Variants in ATPAF2 observed in about 807,000 individuals in gnomAD.
ATPAF2 encodes ATP synthase mitochondrial F1 complex assembly factor 2, also known as ATP12 homolog.
A neutral mutation model predicts 36.6 loss-of-function variants in ATPAF2; 30 were observed. The observed-to-expected ratio is 0.82, with a 90% CI of 0.61 to 1.11. The LOEUF (loss-of-function observed/expected upper bound fraction) is 1.11. ATPAF2 is among the 50% of genes most tolerant of loss of function. ATPAF2 has a pLI of 0.00. For missense variants in ATPAF2, 321 were observed against 372.3 expected, an observed-to-expected ratio of 0.86 and a Z score of 1.13; for synonymous variants, 140 against 152.6, an observed-to-expected ratio of 0.92 and a Z score of 0.61.
chr17:18,019,325 C>T (rs1165529803), intron 7 of ATPAF2, among the ~76,000 whole-genome samples: 2 of 152,238 alleles, frequency 1.3e-5, no homozygotes, highest in Non-Finnish European at 2.9e-5. Context: ...GGTACCAGAA[C>T]CACCCATGTG....
chr17:18,025,942 T>G, intron 4 of ATPAF2: 1 of 366,144 alleles, frequency 2.7e-6, no homozygotes, highest in South Asian at 2.4e-5. Context: ...AGAAGGACAC[T>G]CCTAGTTATC....
chr17:18,027,767 T>C (rs893358015), intron 3 of ATPAF2, among the ~76,000 whole-genome samples: 18 of 152,216 alleles, frequency 1.2e-4, no homozygotes, highest in African/African-American at 4.3e-4. Flanking sequence ...ATTCAACTAA[T>C]ATTTACTGAG....
chr17:18,016,176 G>T (rs1490736472), downstream of ATPAF2: 2 of 1,613,972 alleles, frequency 1.2e-6, no homozygotes, highest in South Asian at 1.1e-5. Flanking sequence ...AACTCTTGGT[G>T]TACACGTTTA....
At chr17:18,020,041 C>T (rs1348824819) in intron 7 of ATPAF2, among the ~76,000 whole-genome samples, 1 of 152,050 alleles carries the variant, frequency 6.6e-6, no homozygotes, top group African/African-American at 2.4e-5. Flanking sequence ...ATAGTTTTTT[C>T]CCTGGCATTT....
At chr17:18,019,186 C>CACACACACACACA (rs71155310) in intron 7 of ATPAF2, among the ~76,000 whole-genome samples, 3 of 147,144 alleles carry the variant, frequency 2.0e-5, no homozygotes, top group East Asian at 4.0e-4. Flanking sequence ...CACACACACA[C>CACACACACACACA]CCCACCACCC....
chr17:18,020,009 G>A (rs989078197), intron 7 of ATPAF2, among the ~76,000 whole-genome samples: 2 of 152,120 alleles, frequency 1.3e-5, no homozygotes, highest in Non-Finnish European at 1.5e-5. Context: ...GAATAGTAGC[G>A]GGCCTCCTTT....
At chr17:18,038,741 A>G (rs1223725177) in intron 1 of ATPAF2, 140 bp downstream of exon 1, 1 of 1,237,590 alleles carries the variant, frequency 8.1e-7, no homozygotes, top group Admixed American at 2.1e-5. Flanking sequence ...TCACTTTCTC[A>G]TCTGTAAAAA....
chr17:18,030,674 T>C (rs2044617650), intron 1 of ATPAF2, among the ~76,000 whole-genome samples: 1 of 147,448 alleles, frequency 6.8e-6, no homozygotes, highest in Non-Finnish European at 1.5e-5. Context: ...TTTTTCTTTT[T>C]TTTTTTTTTT....
rs1414852809 is a variant in ATPAF2 at position 18,038,983 on chromosome 17, C to T, written c.31G>A (p.Gly11Arg). The change falls in exon 1 of 8, where the codon GGG becomes AGG. Residue 11 changes from glycine to arginine, a missense_variant. Around this residue, in one of 3 missense-constraint regions of ATPAF2, gnomAD observed 69 missense variants for 60.1 expected, o/e 1.15. Transcript: ENST00000474627. The part of the protein sequence containing the change: MWRSCLRLRD[G>R]GRRLLNRPAG... ...GGCCGATTCAGGAGACGGCGTCCCC[C>T]GTCCCGCAGCCGGAGGCAGCTCCTC... 6.2e-6 allele frequency: 10 copies of T among 1,611,720 alleles called. No individual in the cohort carries two copies. In the South Asian group the frequency reaches 7.7e-5, roughly 12 times the overall value.
intron 6 of ATPAF2, 28 bp from the exon 7 acceptor site, chr17:18,021,266 C>G (rs1245011429): frequency 4.4e-6 from 7 of 1,582,376 alleles, no homozygotes; most frequent in Non-Finnish European, 6.0e-6. Flanking sequence ...AAGTCAGAAC[C>G]CAAAACAGGG....
chr17:18,016,940 G>A (rs1042452873), downstream of ATPAF2: 16 of 272,462 alleles, frequency 5.9e-5, no homozygotes, highest in African/African-American at 1.1e-4. Context: ...TTGGGAGGCC[G>A]AGGCATGCAG....
chr17:18,018,220 T>C lies in ATPAF2; in HGVS notation c.*329A>G, dbSNP rs536497462. 11 of 388,702 alleles carry C rather than the reference T, an allele frequency of 2.8e-5. No homozygotes were observed. In the East Asian group the frequency reaches 5.9e-4, roughly 21 times the overall value. The allele number at this position is 388,702 out of a possible 1,614,324, so 24.1% of individuals were successfully genotyped here. A position where few individuals can be genotyped will look rare whatever the true frequency, so the allele number is the denominator to read the frequency against. On this transcript the variant is annotated 3_prime_UTR_variant, in exon 8 of 8. Coordinates refer to ENST00000474627, the MANE Select transcript of ATPAF2 (RefSeq NM_145691.4). ...TGGAACCTAGACAAAACAGGAAGAA[T>C]GGAGAAGTGCAGAGGCATACGTGAA...
intron 1 of ATPAF2, 94 bp from the exon 2 acceptor site, chr17:18,028,753 G>A: frequency 8.6e-7 from 1 of 1,161,150 alleles, no homozygotes; most frequent in Non-Finnish European, 1.3e-6. Flanking sequence ...TGCTAATGTT[G>A]ATTGATTGGC....
chr17:18,017,001 G>T (rs1049494550), downstream of ATPAF2: 1 of 188,368 alleles, frequency 5.3e-6, no homozygotes, highest in African/African-American at 2.4e-5. Flanking sequence ...GTGAAACCTT[G>T]TCTCTACTAA....
At chr17:18,034,390 A>G (rs2044676745) in intron 1 of ATPAF2, among the ~76,000 whole-genome samples, 1 of 152,176 alleles carries the variant, frequency 6.6e-6, no homozygotes, top group African/African-American at 2.4e-5. Context: ...TGGGTGACAG[A>G]GCAAGACCCC....
chr17:18,024,810 C>T (rs1657095515), intron 4 of ATPAF2, 106 bp from the exon 5 acceptor site: 1 of 896,468 alleles, frequency 1.1e-6, no homozygotes, highest in Admixed American at 2.0e-5. Flanking sequence ...TTCACCACCA[C>T]CATCCCAGCC....
chr17:18,026,292 G>A lies in ATPAF2; in HGVS notation c.422+27C>T, dbSNP rs777567251. 7 of 1,588,700 alleles carry A rather than the reference G, an allele frequency of 4.4e-6. No homozygotes were observed. The East Asian group carries it at 1.1e-4, about 25-fold the overall frequency. On this transcript the variant is annotated intron_variant, in intron 4 of 7. Coordinates refer to ENST00000474627, the MANE Select transcript of ATPAF2 (RefSeq NM_145691.4). ...TCAGGAAAAATAGCCTCAATCCAAG[G>A]GGAATGCCCATCTAAATGTCCATTA...
chr17:18,026,726 C>T, intron 3 of ATPAF2: 4 of 468,070 alleles, frequency 8.5e-6, no homozygotes, highest in South Asian at 6.8e-5. Flanking sequence ...TTAATCCTCA[C>T]AACAACCTTT....
intron 7 of ATPAF2, among the ~76,000 whole-genome samples, chr17:18,019,577 G>C (rs1268072401): frequency 6.6e-6 from 1 of 152,250 alleles, no homozygotes; most frequent in East Asian, 1.9e-4. Context: ...CAGATTCTCT[G>C]TCTGGAGCTC....
Sources: gnomAD v4.1 joint callset for allele counts (sites outside exome capture counted in the v4.1 genomes callset) on GRCh38, gnomAD v4.1.1 for gene constraint, gnomAD v4.1.1 regional missense constraint, MANE v1.5 for transcripts, NCBI Gene and HGNC (gene_info 2026-07-23, HGNC 2026-07-21) for gene names.